Variants in USP13 observed in about 807,000 individuals in gnomAD.
USP13 encodes the protein ubiquitin specific peptidase 13, also known as ubiquitin carboxyl-terminal hydrolase 13.
A neutral mutation model predicts 107.8 loss-of-function variants in USP13; 68 were observed. The ratio of observed to expected loss-of-function variants is 0.63; its 90% CI spans 0.52 to 0.77. The LOEUF is 0.77. Among genes scored for constraint, USP13 ranks in the 30% least tolerant of loss-of-function variants. USP13 has a pLI of 0.00. For missense variants in USP13, 945 were observed against 1,093.3 expected, an observed-to-expected ratio of 0.86 and a Z score of 1.91; for synonymous variants, 377 against 389.5, an observed-to-expected ratio of 0.97 and a Z score of 0.38.
intron 19 of USP13, 93 bp downstream of exon 19, chr3:179,765,941 C>T: frequency 7.3e-7 from 1 of 1,367,292 alleles, no homozygotes; most frequent in Non-Finnish European, 9.9e-7. Context: ...AAGCCTTTGC[C>T]ATCATTCAAA....
In USP13 at chr3:179,745,054, G is replaced by C. The variant is rs144016604; in HGVS notation, c.1546G>C (p.Ala516Pro). Reference protein sequence around the residue: ...EAATNKDELIAYELTRREAEA... With the variant: ...EAATNKDELIPYELTRREAEA... ...GCTCTTTCACCCAGATGAACTGATC[G>C]CTTATGAACTAACGAGAAGGGAAGC... Residue 516 changes from alanine to proline, a missense_variant, in exon 13 of 21, where the codon GCT (alanine) becomes CCT (proline). Transcript: ENST00000263966. 9.2e-5 allele frequency: 148 copies of C among 1,614,100 alleles called. No individual in the cohort carries two copies. The African/African-American group carries it at 1.7e-3, about 19-fold the overall frequency.
Position 179,757,159 on chromosome 3 carries a change from A to G in USP13, c.1948+81A>G. The G allele has an allele frequency of 2.0e-6, 3 of 1,513,902 alleles. No individual in the cohort carries two copies. In the South Asian group the frequency reaches 3.4e-5, roughly 17 times the overall value. 93.8% of individuals were successfully genotyped at this position (1,513,902 alleles called of 1,614,324 possible). The stretch of plus-strand genomic sequence containing the variant: ...ATTTGTCTGTGAAAGTTCAGTAAAG[A>G]GGCATTGTTCTGTACGTGTGTGTGT... On this transcript the variant is annotated intron_variant, in intron 16 of 20. Transcript: ENST00000263966.
At chr3:179,739,268 C>T (rs760236609) in intron 10 of USP13, among the ~76,000 whole-genome samples, 3 of 152,188 alleles carry the variant, frequency 2.0e-5, no homozygotes, top group Non-Finnish European at 4.4e-5. Context: ...CCAGCATCCT[C>T]GTCCTGCCAG....
chr3:179,743,677 C>T, intron 12 of USP13, among the ~76,000 whole-genome samples: 1 of 152,018 alleles, frequency 6.6e-6, no homozygotes, highest in Non-Finnish European at 1.5e-5. Flanking sequence ...ACTCACGTGT[C>T]TGCTCATGTC....
chr3:179,703,198 G>C (rs1446894794), intron 4 of USP13, among the ~76,000 whole-genome samples: 3 of 152,140 alleles, frequency 2.0e-5, no homozygotes, highest in Admixed American at 6.5e-5. Context: ...GGAGATAAAA[G>C]GAAAAGCCTG....
intron 8 of USP13, among the ~76,000 whole-genome samples, chr3:179,728,584 G>T (rs1268269099): frequency 6.6e-6 from 1 of 151,728 alleles, no homozygotes; most frequent in Non-Finnish European, 1.5e-5. Context: ...CGGGGTGGCG[G>T]CCGGGCAGAG....
intron 8 of USP13, among the ~76,000 whole-genome samples, chr3:179,728,101 G>A (rs1453722392): frequency 1.1e-5 from 1 of 94,988 alleles, no homozygotes; most frequent in Non-Finnish European, 2.5e-5. Flanking sequence ...TCCCGGACGG[G>A]GCAGCTGGCC....
intron 3 of USP13, among the ~76,000 whole-genome samples, chr3:179,698,697 ACT>A (rs1384214100): frequency 1.3e-5 from 2 of 151,784 alleles, no homozygotes; most frequent in African/African-American, 2.4e-5. Context: ...AAGTTCACTC[ACT>A]CTATTTCCAT....
chr3:179,707,719 C>T (rs1229382791), intron 5 of USP13, among the ~76,000 whole-genome samples: 1 of 152,156 alleles, frequency 6.6e-6, no homozygotes, highest in Non-Finnish European at 1.5e-5. Flanking sequence ...CTTTGGGCTC[C>T]ATTCATATCT....
At chr3:179,671,320 G>A (rs1290078858) in intron 1 of USP13, among the ~76,000 whole-genome samples, 2 of 152,208 alleles carry the variant, frequency 1.3e-5, no homozygotes, top group South Asian at 2.1e-4. Context: ...TGTGTGGTTG[G>A]GAAGCCAGGT....
intron 19 of USP13, among the ~76,000 whole-genome samples, chr3:179,769,697 C>G (rs1010041841): frequency 6.6e-6 from 1 of 152,216 alleles, no homozygotes; most frequent in African/African-American, 2.4e-5. Context: ...GTGTGAGCCA[C>G]TGCGCCTGGC....
chr3:179,710,488 T>G (rs1712884246), intron 6 of USP13, among the ~76,000 whole-genome samples: 1 of 152,208 alleles, frequency 6.6e-6, no homozygotes, highest in Non-Finnish European at 1.5e-5. Context: ...CTATAACTGT[T>G]CGTATATGCA....
At chr3:179,760,282 G>GTTTTTTTTTTTTTTTTTTTTTTTTTTT (rs1363561918) in intron 16 of USP13, among the ~76,000 whole-genome samples, 1 of 123,468 alleles carries the variant, frequency 8.1e-6, no homozygotes, top group African/African-American at 3.1e-5. Context: ...GTCTCTTAAT[G>GTTTTTTTTTTTTTTTTTTTTTTTTTTT]TTTTTTTTTT....
intron 19 of USP13, among the ~76,000 whole-genome samples, chr3:179,771,300 A>T (rs1715334550): frequency 6.6e-6 from 1 of 152,000 alleles, no homozygotes; most frequent in Non-Finnish European, 1.5e-5. Context: ...ACTCTGTGAG[A>T]CTCCGTTATG....
intron 19 of USP13, among the ~76,000 whole-genome samples, chr3:179,779,738 GAAAA>G (rs1256665527): frequency 7.3e-6 from 1 of 137,694 alleles, no homozygotes; most frequent in Non-Finnish European, 1.6e-5. Context: ...AAAAAAAAAA[GAAAA>G]AGAAAAAAGA....
In USP13 at chr3:179,787,487, T is replaced by G. The variant is rs1715942462; in HGVS notation, c.*3346T>G. On this transcript the variant is annotated 3_prime_UTR_variant, in exon 21 of 21. Coordinates refer to ENST00000263966, the MANE Select transcript of USP13 (RefSeq NM_003940.3). ...ATCACTTAGAGGTTTGGATGTTATA[T>G]TTTTGCATTGTTACAGCTTATACTC... 2 of 152,240 alleles carry G rather than the reference T, an allele frequency of 1.3e-5. No homozygotes were observed. Among genetic ancestry groups the G allele is most frequent in the Admixed American group, 1.3e-4 (2 of 15,290 alleles). The allele number at this position is 152,240 out of a possible 1,614,324, so 9.4% of individuals were successfully genotyped here. A position where few individuals can be genotyped will look rare whatever the true frequency, so the allele number is the denominator to read the frequency against.
At chr3:179,676,661 G>A (rs1711502614) in intron 1 of USP13, among the ~76,000 whole-genome samples, 1 of 152,164 alleles carries the variant, frequency 6.6e-6, no homozygotes, top group African/African-American at 2.4e-5. Flanking sequence ...GGTATTAATA[G>A]GGCAAGAGAG....
intron 6 of USP13, among the ~76,000 whole-genome samples, chr3:179,712,686 T>C (rs1712973947): frequency 6.6e-6 from 1 of 152,184 alleles, no homozygotes; most frequent in South Asian, 2.1e-4. Context: ...CTTGTATATA[T>C]GCAAATCTTT....
At chr3:179,682,569 A>G (rs921268627) in intron 2 of USP13, among the ~76,000 whole-genome samples, 1 of 152,128 alleles carries the variant, frequency 6.6e-6, no homozygotes, top group African/African-American at 2.4e-5. Flanking sequence ...CCTAACTATA[A>G]TTCTGTGAAG....
Sources: allele counts gnomAD v4.1 joint callset (sites outside exome capture counted in the v4.1 genomes callset), GRCh38; gene constraint gnomAD v4.1.1; transcripts MANE v1.5; gene names NCBI Gene and HGNC (gene_info 2026-07-23, HGNC 2026-07-21).